The following ZNF385D variants were observed in gnomAD, a reference collection of about 807,000 sequenced individuals.
ZNF385D encodes the protein zinc finger protein 385D.
Under a neutral mutation model 35.8 loss-of-function variants are expected in ZNF385D, and 15 were observed. That is an observed-to-expected ratio of 0.42 (90% CI 0.28 to 0.64). ZNF385D has a LOEUF of 0.64. Among genes scored for constraint, ZNF385D ranks in the 30% least tolerant of loss-of-function variants. The pLI is 0.23. For synonymous variants in ZNF385D, 212 were observed against 186.8 expected, an observed-to-expected ratio of 1.13 and a Z score of -1.10; for missense variants, 474 against 494.6, an observed-to-expected ratio of 0.96 and a Z score of 0.39.
At chr3:22,328,059 A>G (rs1012851270) in intron 2 of ZNF385D, among the ~76,000 whole-genome samples, 1 of 152,016 alleles carries the variant, frequency 6.6e-6, no homozygotes, top group Non-Finnish European at 1.5e-5. Context: ...AGTCTTTTAC[A>G]TATGTCTTTT....
chr3:22,208,189 A>C (rs1364966456), intron 2 of ZNF385D, among the ~76,000 whole-genome samples: 1 of 151,944 alleles, frequency 6.6e-6, no homozygotes, highest in African/African-American at 2.4e-5. Context: ...AAACAATCTA[A>C]GTGTCCATCA....
chr3:21,746,157 C>T (rs959073817), intron 1 of ZNF385D, among the ~76,000 whole-genome samples: 3 of 152,154 alleles, frequency 2.0e-5, no homozygotes, highest in Admixed American at 6.5e-5. Flanking sequence ...AGTCAGAAAC[C>T]ACTAATTTAA....
intron 3 of ZNF385D, among the ~76,000 whole-genome samples, chr3:22,098,759 TAAAG>T (rs1467219387): frequency 6.6e-6 from 1 of 151,452 alleles, no homozygotes; most frequent in African/African-American, 2.4e-5. Flanking sequence ...ACACCCCAAA[TAAAG>T]AAAACTATAT....
At chr3:21,423,631 G>A (rs1330576417) in intron 7 of ZNF385D, among the ~76,000 whole-genome samples, 1 of 152,146 alleles carries the variant, frequency 6.6e-6, no homozygotes, top group Non-Finnish European at 1.5e-5. Flanking sequence ...GTCCTTGACT[G>A]TTATTCAAAA....
chr3:22,157,472 C>T (rs1425595180), intron 3 of ZNF385D, among the ~76,000 whole-genome samples: 2 of 151,492 alleles, frequency 1.3e-5, no homozygotes, highest in Non-Finnish European at 2.9e-5. Context: ...TTAATAACAC[C>T]CCCAGATGTA....
At chr3:21,535,324 C>G (rs1205770246) in intron 3 of ZNF385D, among the ~76,000 whole-genome samples, 1 of 152,106 alleles carries the variant, frequency 6.6e-6, no homozygotes, top group African/African-American at 2.4e-5. Context: ...AAAAAATTCA[C>G]TGATTCTTTC....
chr3:21,893,001 A>G (rs759865866), intron 3 of ZNF385D, among the ~76,000 whole-genome samples: 1 of 152,188 alleles, frequency 6.6e-6, no homozygotes, highest in Non-Finnish European at 1.5e-5. Flanking sequence ...TTTACAATAA[A>G]CTCCAATCAG....
At chr3:21,735,380 C>T (rs1251890865) in intron 1 of ZNF385D, among the ~76,000 whole-genome samples, 5 of 152,150 alleles carry the variant, frequency 3.3e-5, no homozygotes, top group African/African-American at 1.2e-4. Flanking sequence ...ATTTGTGCCA[C>T]TCACTACTGG....
intron 2 of ZNF385D, among the ~76,000 whole-genome samples, chr3:21,633,110 G>A (rs915074235): frequency 6.6e-6 from 1 of 151,944 alleles, no homozygotes; most frequent in African/African-American, 2.4e-5. Context: ...CATTTTTTTA[G>A]CTATCATAAT....
At chr3:21,914,037 T>G (rs984648594) in intron 3 of ZNF385D, among the ~76,000 whole-genome samples, 7 of 152,090 alleles carry the variant, frequency 4.6e-5, no homozygotes, top group African/African-American at 1.7e-4. Flanking sequence ...CTGTTAGGCA[T>G]TTAGTTAATA....
chr3:22,008,600 C>T (rs192188523), intron 3 of ZNF385D, among the ~76,000 whole-genome samples: 47 of 152,250 alleles, frequency 3.1e-4, no homozygotes, highest in African/African-American at 9.6e-4. Context: ...TCGTGATCCG[C>T]CCACCACGGC....
chr3:21,721,002 G>C (rs10865772), intron 1 of ZNF385D, among the ~76,000 whole-genome samples: 1 of 152,084 alleles, frequency 6.6e-6, no homozygotes, highest in African/African-American at 2.4e-5. Context: ...GCTTTGCTTA[G>C]AATTTCTTCT....
intron 1 of ZNF385D, among the ~76,000 whole-genome samples, chr3:21,727,546 C>G (rs1183976167): frequency 6.6e-6 from 1 of 152,142 alleles, no homozygotes. Context: ...GACATTTATG[C>G]AGCCAAGAAA....
chr3:22,160,042 G>T (rs1258874959), intron 3 of ZNF385D, among the ~76,000 whole-genome samples: 1 of 151,976 alleles, frequency 6.6e-6, no homozygotes, highest in Non-Finnish European at 1.5e-5. Flanking sequence ...TCCCCATGCT[G>T]TTCTTGTGAT....
chr3:21,924,773 C>T (rs527592501), intron 3 of ZNF385D, among the ~76,000 whole-genome samples: 1 of 152,144 alleles, frequency 6.6e-6, no homozygotes, highest in South Asian at 2.1e-4. Context: ...TGTAGAGAGG[C>T]ATAGTAAGGA....
chr3:22,319,968 C>A (rs573060396), intron 2 of ZNF385D, among the ~76,000 whole-genome samples: 1 of 151,926 alleles, frequency 6.6e-6, no homozygotes, highest in Admixed American at 6.6e-5. Flanking sequence ...GATATTTTAT[C>A]ATCAGAACTC....
intron 2 of ZNF385D, among the ~76,000 whole-genome samples, chr3:22,273,028 A>G (rs114249322): frequency 6.7e-6 from 1 of 150,140 alleles, no homozygotes; most frequent in Non-Finnish European, 1.5e-5. Context: ...AACTAGGATC[A>G]TTATTTAACT....
At chr3:22,170,529 C>A (rs953546910) in intron 2 of ZNF385D, among the ~76,000 whole-genome samples, 11 of 152,110 alleles carry the variant, frequency 7.2e-5, no homozygotes, top group African/African-American at 2.7e-4. Context: ...TCTTTGTGAA[C>A]TAATTCATTT....
At chr3:22,212,389 A>G (rs1279339896) in intron 2 of ZNF385D, among the ~76,000 whole-genome samples, 2 of 152,018 alleles carry the variant, frequency 1.3e-5, no homozygotes, top group East Asian at 3.9e-4. Context: ...CAATGGTTTC[A>G]AATTGAGAAG....
Sources: gnomAD v4.1 joint callset for allele counts (sites outside exome capture counted in the v4.1 genomes callset) on GRCh38, gnomAD v4.1.1 for gene constraint, MANE v1.5 for transcripts, NCBI Gene and HGNC (gene_info 2026-07-23, HGNC 2026-07-21) for gene names.